AKT1: variants seen among roughly 807,000 people sequenced by gnomAD.
AKT1 encodes the protein AKT serine/threonine kinase 1, also known as RAC-alpha serine/threonine-protein kinase.
A neutral mutation model predicts 63.1 loss-of-function variants in AKT1; 21 were observed. That is an observed-to-expected ratio of 0.33 (90% CI 0.24 to 0.48). The LOEUF (loss-of-function observed/expected upper bound fraction) is 0.48, where lower values mean the gene tolerates loss of function less well. Ranked by LOEUF, AKT1 falls within the 20% of genes least tolerant of loss-of-function variation. The pLI is 0.99. For missense variants in AKT1, 382 were observed against 666.0 expected, an observed-to-expected ratio of 0.57 and a Z score of 4.69; for synonymous variants, 257 against 253.1, an observed-to-expected ratio of 1.02 and a Z score of -0.15.
Position 104,773,346 on chromosome 14 carries a change from T to C in AKT1, c.862A>G (p.Ile288Val), listed in dbSNP as rs767699129. ...CACAGCCCGAAGTCTGTGATCTTAA[T>C]GTGCCCGTCCTTGTCCAGCATGAGG... is the stretch of plus-strand genomic sequence containing the variant. The part of the protein sequence containing the change: ...ENLMLDKDGH[I>V]KITDFGLCKE... The change falls in exon 11 of 15, where the codon ATT becomes GTT. Residue 288 changes from isoleucine (I) to valine (V), a missense_variant. Ile to Val is a conservative substitution (Grantham distance 29). Around this residue, in one of 3 missense-constraint regions of AKT1, gnomAD observed 66 missense variants for 179.1 expected, o/e 0.37. Transcript: ENST00000649815. The C allele has an allele frequency of 6.2e-7, 1 of 1,614,200 alleles. No individual in the cohort carries two copies. The highest frequency in any genetic ancestry group is 1.1e-5 in the South Asian group (1 of 91,090).
At chr14:104,777,348 GCA>G (rs1267531545) in intron 4 of AKT1, 9 of 221,256 alleles carry the variant, frequency 4.1e-5, no homozygotes, top group Non-Finnish European at 6.0e-5. Flanking sequence ...TACATCTGGG[GCA>G]CACACACACT....
At chr14:104,780,666 T>A (rs1302840700) in intron 3 of AKT1, among the ~76,000 whole-genome samples, 1 of 152,066 alleles carries the variant, frequency 6.6e-6, no homozygotes, top group Non-Finnish European at 1.5e-5. Context: ...GTCGGCCAGG[T>A]GGCGACAGCA....
chr14:104,773,163 G>T, intron 11 of AKT1, 71 bp from the exon 12 acceptor site: 1 of 1,609,930 alleles, frequency 6.2e-7, no homozygotes, highest in South Asian at 1.1e-5. Flanking sequence ...GAGGTGTGAC[G>T]TGCTTGGGGC....
intron 3 of AKT1, among the ~76,000 whole-genome samples, chr14:104,788,741 G>T (rs2140991917): frequency 6.6e-6 from 1 of 152,330 alleles, no homozygotes; most frequent in East Asian, 1.9e-4. Flanking sequence ...GCCCAGCCTA[G>T]GCACCTGCTT....
chr14:104,775,848 C>T, intron 5 of AKT1, 49 bp from the exon 6 acceptor site: 10 of 1,585,860 alleles, frequency 6.3e-6, no homozygotes, highest in Non-Finnish European at 8.6e-6. Flanking sequence ...TCAGGAGCTC[C>T]ACCCCACGTC....
intron 3 of AKT1, among the ~76,000 whole-genome samples, chr14:104,784,765 C>T (rs61759791): frequency 3.3e-5 from 5 of 152,290 alleles, no homozygotes; most frequent in Non-Finnish European, 5.9e-5. Context: ...CCCCCCAAAG[C>T]GGCACCCACT....
At chr14:104,786,928 C>T (rs1392369923) in intron 3 of AKT1, among the ~76,000 whole-genome samples, 1 of 152,118 alleles carries the variant, frequency 6.6e-6, no homozygotes, top group African/African-American at 2.4e-5. Flanking sequence ...GCCCAGGGAG[C>T]AGCCACCTCC....
Position 104,773,476 on chromosome 14 carries a change from G to A in AKT1, c.807C>T (p.Asn269=), listed in dbSNP as rs201044857. ...SALDYLHSEK[N]VVYRDLKLEN... The stretch of plus-strand genomic sequence containing the variant: ...GCACCTTGAGGTCCCGGTACACCAC[G>A]TTCTTCTCCGAGTGCAGGTAGTCCA... Residue 269 remains asparagine, a synonymous_variant, in exon 10 of 15, where the codon AAC becomes AAT. Coordinates refer to ENST00000649815, the MANE Select transcript of AKT1 (RefSeq NM_001382430.1). 1.9e-5 allele frequency: 30 copies of A among 1,613,936 alleles called. No homozygotes were observed. The East Asian group carries it at 3.8e-4, about 20-fold the overall frequency.
intron 3 of AKT1, among the ~76,000 whole-genome samples, chr14:104,791,080 G>C (rs1445576219): frequency 6.6e-6 from 1 of 152,172 alleles, no homozygotes; most frequent in Admixed American, 6.5e-5. Context: ...GGCCCAGCTG[G>C]CTGATGGGTG....
Position 104,770,665 on chromosome 14 carries a change from G to A in AKT1, c.1363+80C>T, listed in dbSNP as rs1892332724. The stretch of plus-strand genomic sequence containing the variant: ...ATATTTAGATTTTAAAACATCTGAA[G>A]CCAAAAAAGCTGAACACTGCAGGCC... On this transcript the variant is annotated intron_variant, in intron 14 of 14. Transcript: ENST00000649815. 4 of 1,345,312 alleles carry A rather than the reference G, an allele frequency of 3.0e-6. No homozygotes were observed. The Admixed American group carries it at 5.5e-5, about 18-fold the overall frequency. The allele number at this position is 1,345,312 out of a possible 1,614,324, so 83.3% of individuals were successfully genotyped here.
At chr14:104,787,583 G>A (rs925350323) in intron 3 of AKT1, among the ~76,000 whole-genome samples, 9 of 152,230 alleles carry the variant, frequency 5.9e-5, no homozygotes, top group African/African-American at 1.7e-4. Context: ...GCTCAGCCTC[G>A]TGCAGGACTT....
rs1160152822 is a variant in AKT1, at chr14:104,773,245, G to A, written c.957+6C>T. On this transcript the variant is annotated splice_donor_region_variant and intron_variant, in intron 11 of 14. Coordinates refer to ENST00000649815, the MANE Select transcript of AKT1 (RefSeq NM_001382430.1). ...CAACGCGTATGCACGCAGGTGGGGC[G>A]CACACCTCGGGGGCCAGGTACTCAG... The A allele has an allele frequency of 1.1e-5, 18 of 1,614,124 alleles. No individual in the cohort carries two copies. Among genetic ancestry groups the A allele is most frequent in the Middle Eastern group, 1.6e-4 (1 of 6,062 alleles).
intron 4 of AKT1, chr14:104,777,070 G>A (rs140027485): frequency 6.2e-4 from 221 of 354,422 alleles, no homozygotes; most frequent in African/African-American, 4.1e-3. Context: ...TCTGAGCCCC[G>A]CCGTGCGCCA....
intron 1 of AKT1, 94 bp from the exon 2 acceptor site, chr14:104,793,398 CA>C (rs1893725599): frequency 4.8e-6 from 1 of 208,914 alleles, no homozygotes; most frequent in Non-Finnish European, 9.7e-6. Flanking sequence ...AGCGCAAGCC[CA>C]AAAACCTCCT....
chr14:104,792,542 G>A, intron 3 of AKT1, 56 bp downstream of exon 3: 1 of 1,601,198 alleles, frequency 6.2e-7, no homozygotes, highest in Non-Finnish European at 8.5e-7. Flanking sequence ...ACAGACCCTG[G>A]GGCTACTACC....
intron 3 of AKT1, among the ~76,000 whole-genome samples, chr14:104,786,940 C>T (rs965890728): frequency 6.6e-6 from 1 of 152,126 alleles, no homozygotes; most frequent in East Asian, 1.9e-4. Context: ...GCCACCTCCC[C>T]GCCAGGCCTG....
intron 3 of AKT1, 59 bp from the exon 4 acceptor site, chr14:104,780,275 C>A (rs2140950903): frequency 6.3e-7 from 1 of 1,589,538 alleles, no homozygotes. Flanking sequence ...CCTCGCCAGG[C>A]AGCCAGGCAG....
rs1892448753 is a variant in AKT1, at chr14:104,772,470, G to A, written c.1173-18C>T. 1 of 1,613,184 alleles carries A rather than the reference G, an allele frequency of 6.2e-7. No individual in the cohort carries two copies. Among genetic ancestry groups the A allele is most frequent in the Non-Finnish European group, 8.5e-7 (1 of 1,179,710 alleles). On this transcript the variant is annotated intron_variant, in intron 12 of 14. Coordinates refer to ENST00000649815, the MANE Select transcript of AKT1 (RefSeq NM_001382430.1). The stretch of plus-strand genomic sequence containing the variant: ...CGCCAAGCCTGCAGGCAGGAAACAA[G>A]GCCACAGTGTCGGTACCGCCACCTG...
At chr14:104,782,054 G>A (rs889780005) in intron 3 of AKT1, among the ~76,000 whole-genome samples, 2 of 152,130 alleles carry the variant, frequency 1.3e-5, no homozygotes, top group African/African-American at 4.8e-5. Context: ...GCACATACGT[G>A]CCACGCAGCT....
Sources: allele counts gnomAD v4.1 joint callset (sites outside exome capture counted in the v4.1 genomes callset), GRCh38; gene constraint gnomAD v4.1.1; regional missense constraint gnomAD v4.1.1; transcripts MANE v1.5; gene names NCBI Gene and HGNC (gene_info 2026-07-23, HGNC 2026-07-21).